The following FHIT variants were observed in gnomAD, a reference collection of about 807,000 sequenced individuals.
FHIT encodes the protein fragile histidine triad diadenosine triphosphatase.
FHIT carries 19 observed loss-of-function variants against 17.9 expected under a neutral mutation model. The observed-to-expected ratio is 1.06, with a 90% CI of 0.74 to 1.56. The LOEUF is 1.56. Ranked by LOEUF, FHIT falls within the 40% of genes most tolerant of loss-of-function variation. The probability of loss-of-function intolerance (pLI) is 0.00; values close to 1 mark genes in which losing one functional copy is unlikely to be tolerated. For synonymous variants in FHIT, 81 were observed against 69.7 expected (o/e 1.16, Z -0.81); for missense variants, 248 against 189.2 (o/e 1.31, Z -1.82).
rs1576711581 is a variant in FHIT, at chr3:60,470,058, T to TCTCTCTCTCTCTC, written c.103+66801_103+66802insGAGAGAGAGAGAG. ...TCTCTCCCCTCTCCTCTCTCTTTCT[T>TCTCTCTCTCTCTC]TCTCTCTCTCTCTCTCTCTCTCCAG... On this transcript the variant is annotated intron_variant, in intron 5 of 9. Transcript: ENST00000492590. 1.1e-4 allele frequency among the ~76,000 whole-genome samples: 16 copies of TCTCTCTCTCTCTC among 143,040 alleles called. 1 individual carries two copies. The highest frequency in any genetic ancestry group is 6.2e-4 in the Admixed American group (9 of 14,410). The allele number at this position is 143,040 out of a possible 152,430, so 93.8% of individuals were successfully genotyped here.
chr3:60,150,557 G>C (rs954344055), intron 5 of FHIT, among the ~76,000 whole-genome samples: 2 of 152,164 alleles, frequency 1.3e-5, no homozygotes, highest in Non-Finnish European at 2.9e-5. Context: ...TTTAGTCTCA[G>C]GTGATTCTCC....
intron 5 of FHIT, among the ~76,000 whole-genome samples, chr3:60,291,086 G>A (rs527859342): frequency 6.6e-6 from 1 of 152,316 alleles, no homozygotes; most frequent in Non-Finnish European, 1.5e-5. Flanking sequence ...TTGTCTCACA[G>A]CTGAGGAAAT....
chr3:60,500,415 A>G (rs543370277), intron 5 of FHIT, among the ~76,000 whole-genome samples: 1 of 152,334 alleles, frequency 6.6e-6, no homozygotes, highest in African/African-American at 2.4e-5. Context: ...CTTTTAGATT[A>G]AAATTCTATG....
At chr3:60,342,252 TGTTTAAGGAGC>T (rs1442568386) in intron 5 of FHIT, among the ~76,000 whole-genome samples, 2 of 152,206 alleles carry the variant, frequency 1.3e-5, no homozygotes, top group Non-Finnish European at 2.9e-5. Flanking sequence ...GCATGAGCAA[TGTTTAAGGAGC>T]AGAGAGAGCT....
intron 4 of FHIT, among the ~76,000 whole-genome samples, chr3:60,606,615 C>T (rs11720214): frequency 0.43 from 65,375 of 151,882 alleles, 16,464 homozygotes; most frequent in Non-Finnish European, 0.56. Flanking sequence ...GAATTGGGTG[C>T]CTTTTCATTC....
chr3:61,075,239 T>G (rs1474808840), intron 2 of FHIT, among the ~76,000 whole-genome samples: 1 of 152,128 alleles, frequency 6.6e-6, no homozygotes, highest in Non-Finnish European at 1.5e-5. Context: ...CATCTGGAGC[T>G]GCAGACCCTC....
chr3:60,660,965 T>A (rs1183388924), intron 4 of FHIT, among the ~76,000 whole-genome samples: 1 of 152,022 alleles, frequency 6.6e-6, no homozygotes. Context: ...GCAAAAGTTT[T>A]AATGTTGATG....
intron 8 of FHIT, among the ~76,000 whole-genome samples, chr3:59,843,939 C>T (rs1701623699): frequency 1.3e-5 from 2 of 152,082 alleles, no homozygotes; most frequent in Admixed American, 6.6e-5. Context: ...ACTCTAATGG[C>T]TTGGTGCTGT....
Position 60,337,023 on chromosome 3 carries a change from G to A in FHIT, c.103+199837C>T, listed in dbSNP as rs1044701897. Among the ~76,000 whole-genome samples the A allele has an allele frequency of 2.6e-5, 4 of 152,072 alleles. No individual in the cohort carries two copies. In the South Asian group the frequency reaches 6.2e-4, roughly 24 times the overall value. ...TATATACTGGTTACGTACTTGCCAC[G>A]ACCACACACAAACTACAACACAGAC... On this transcript the variant is annotated intron_variant, in intron 5 of 9. Transcript: ENST00000492590.
intron 8 of FHIT, among the ~76,000 whole-genome samples, chr3:59,859,643 C>G (rs1047584856): frequency 1.3e-5 from 2 of 152,214 alleles, no homozygotes; most frequent in African/African-American, 4.8e-5. Context: ...TGCTTAGAAG[C>G]TGGGAGGCGG....
At chr3:60,588,999 G>A (rs2037994438) in intron 4 of FHIT, among the ~76,000 whole-genome samples, 1 of 151,982 alleles carries the variant, frequency 6.6e-6, no homozygotes, top group Non-Finnish European at 1.5e-5. Context: ...AAAGAATAAA[G>A]ACATTCTCCT....
intron 4 of FHIT, among the ~76,000 whole-genome samples, chr3:60,769,321 T>G (rs1006542661): frequency 6.6e-6 from 1 of 152,104 alleles, no homozygotes; most frequent in Admixed American, 6.5e-5. Flanking sequence ...CAAGAATATA[T>G]ATGTCCAGGG....
chr3:60,089,122 C>T (rs1253456636), intron 5 of FHIT, among the ~76,000 whole-genome samples: 1 of 152,138 alleles, frequency 6.6e-6, no homozygotes, highest in Non-Finnish European at 1.5e-5. Flanking sequence ...CAGCTAGCTG[C>T]ATAATTCCAC....
chr3:60,164,479 A>G (rs1701071723), intron 5 of FHIT, among the ~76,000 whole-genome samples: 1 of 152,224 alleles, frequency 6.6e-6, no homozygotes, highest in South Asian at 2.1e-4. Context: ...TGGATATTAG[A>G]AAATAATGTA....
At chr3:60,123,130 G>C (rs1310898018) in intron 5 of FHIT, among the ~76,000 whole-genome samples, 1 of 152,136 alleles carries the variant, frequency 6.6e-6, no homozygotes, top group Non-Finnish European at 1.5e-5. Context: ...GCACGGAAAA[G>C]AAAGCCAGTG....
chr3:60,259,040 A>C (rs1176652366), intron 5 of FHIT, among the ~76,000 whole-genome samples: 1 of 150,212 alleles, frequency 6.7e-6, no homozygotes, highest in African/African-American at 2.5e-5. Flanking sequence ...ATGTGTCCTG[A>C]ACCCTATTCA....
intron 5 of FHIT, among the ~76,000 whole-genome samples, chr3:60,533,471 G>C (rs1451213594): frequency 6.6e-6 from 1 of 152,236 alleles, no homozygotes; most frequent in Non-Finnish European, 1.5e-5. Context: ...ACGTACTTTG[G>C]ATATGAGGCA....
intron 8 of FHIT, among the ~76,000 whole-genome samples, chr3:59,888,891 AGGGCCTTCT>A (rs1490395860): frequency 6.6e-6 from 1 of 152,228 alleles, no homozygotes; most frequent in African/African-American, 2.4e-5. Flanking sequence ...GCATCCAGTG[AGGGCCTTCT>A]TGCTATGTCA....
At chr3:60,633,975 C>G (rs1179121434) in intron 4 of FHIT, among the ~76,000 whole-genome samples, 1 of 152,142 alleles carries the variant, frequency 6.6e-6, no homozygotes, top group East Asian at 1.9e-4. Flanking sequence ...CATTAGTTTC[C>G]AGGTTTTAAA....
Sources: gnomAD v4.1 joint callset for allele counts (sites outside exome capture counted in the v4.1 genomes callset) on GRCh38, gnomAD v4.1.1 for gene constraint, MANE v1.5 for transcripts, NCBI Gene and HGNC (gene_info 2026-07-23, HGNC 2026-07-21) for gene names.